GINS1: variants seen among roughly 807,000 people sequenced by gnomAD.
GINS1 encodes GINS complex subunit 1.
A neutral mutation model predicts 34.9 loss-of-function variants in GINS1; 26 were observed. That is an observed-to-expected ratio of 0.74 (90% CI 0.55 to 1.03). The LOEUF (loss-of-function observed/expected upper bound fraction) is 1.03. GINS1 is among the 50% of genes least tolerant of loss of function. The pLI, the probability that GINS1 is intolerant of heterozygous loss-of-function variation, is 0.00. For missense variants in GINS1, 235 were observed against 237.9 expected (o/e 0.99, Z 0.08); for synonymous variants, 97 against 84.4 (o/e 1.15, Z -0.82).
At chr20:25,421,357 G>A (rs905400754) in intron 4 of GINS1, among the ~76,000 whole-genome samples, 2 of 152,068 alleles carry the variant, frequency 1.3e-5, no homozygotes, top group African/African-American at 4.8e-5. Context: ...GCTAAAATAA[G>A]GTTACTAACA....
intron 5 of GINS1, among the ~76,000 whole-genome samples, chr20:25,428,001 A>T (rs2090402076): frequency 6.6e-6 from 1 of 150,874 alleles, no homozygotes; most frequent in Non-Finnish European, 1.5e-5. Flanking sequence ...CCTCCTGAGT[A>T]GCTGGGATTA....
Position 25,435,906 on chromosome 20 carries a change from G to A in GINS1, c.448-5796G>A, listed in dbSNP as rs1174344752. Among the ~76,000 whole-genome samples the A allele has an allele frequency of 6.2e-5, 9 of 144,834 alleles. No individual in the cohort carries two copies. In the South Asian group the frequency reaches 6.7e-4, roughly 11 times the overall value. Reference sequence around the variant, plus strand: ...CAGCTCACTGCATCCTCCACCTCCCGGGTTCATGCCATTCTCCTGCCTCAG... The same window carrying A: ...CAGCTCACTGCATCCTCCACCTCCCAGGTTCATGCCATTCTCCTGCCTCAG... On this transcript the variant is annotated intron_variant, in intron 5 of 6. Coordinates refer to ENST00000262460, the MANE Select transcript of GINS1 (RefSeq NM_021067.5).
intron 5 of GINS1, among the ~76,000 whole-genome samples, chr20:25,437,346 ACT>A (rs953923147): frequency 3.3e-5 from 5 of 152,200 alleles, no homozygotes; most frequent in Admixed American, 2.6e-4. Flanking sequence ...CTTTTTGCAC[ACT>A]CTGCACCAGC....
intron 6 of GINS1, among the ~76,000 whole-genome samples, chr20:25,443,980 T>TTATCTATCTATCTATCTATC (rs35231046): frequency 0.023 from 3,309 of 142,866 alleles, 63 homozygotes; most frequent in East Asian, 0.054. Context: ...TAGGAAACAT[T>TTATCTATCTATCTATCTATC]TATCTATCTA....
In GINS1 at chr20:25,407,908, T is replaced by C. The variant is rs1280097149; in HGVS notation, c.75+13T>C. On this transcript the variant is annotated intron_variant, in intron 1 of 6. Coordinates refer to ENST00000262460, the MANE Select transcript of GINS1 (RefSeq NM_021067.5). The stretch of plus-strand genomic sequence containing the variant: ...GCCTGCCTTCAACGTGAGGGGCGGG[T>C]AGACTTGGACGGGGCATGCCGGCGT... 61 of 1,604,370 alleles carry C rather than the reference T, an allele frequency of 3.8e-5. No homozygotes were observed. The highest frequency in any genetic ancestry group is 5.1e-5 in the Non-Finnish European group (60 of 1,171,720).
chr20:25,435,276 TG>T (rs2090447980), intron 5 of GINS1, among the ~76,000 whole-genome samples: 4 of 152,314 alleles, frequency 2.6e-5, no homozygotes, highest in East Asian at 3.9e-4. Context: ...AGGTATGTGA[TG>T]ACTTACTTAT....
intron 2 of GINS1, among the ~76,000 whole-genome samples, chr20:25,415,313 A>G (rs556173556): frequency 2.0e-5 from 3 of 152,232 alleles, no homozygotes; most frequent in South Asian, 4.1e-4. Flanking sequence ...TAAGCCATTC[A>G]TTGATTTACT....
At chr20:25,422,975 C>T (rs902534034) in intron 4 of GINS1, among the ~76,000 whole-genome samples, 2 of 152,042 alleles carry the variant, frequency 1.3e-5, no homozygotes, top group Non-Finnish European at 2.9e-5. Flanking sequence ...ATGGGTTTCT[C>T]CATGTTGGTC....
intron 6 of GINS1, among the ~76,000 whole-genome samples, chr20:25,442,821 G>C (rs2090490134): frequency 6.6e-6 from 1 of 151,492 alleles, no homozygotes; most frequent in South Asian, 2.1e-4. Context: ...GGCCAGGCTG[G>C]TCTTGAACTC....
At position 25,407,800 on chromosome 20, in the gene GINS1, C is replaced by CTT. The variant is rs768149977; in HGVS notation, c.-21_-20insTT. On this transcript the variant is annotated 5_prime_UTR_variant, in exon 1 of 7. Coordinates refer to ENST00000262460, the MANE Select transcript of GINS1 (RefSeq NM_021067.5). Reference sequence around the variant, plus strand: ...TGAGAGCTGGTGGTTGGCAAGGCCGCGGGAGTGGGAAGCGTCCGCCATGTT... The same window carrying CTT: ...TGAGAGCTGGTGGTTGGCAAGGCCGCTTGGGAGTGGGAAGCGTCCGCCATGTT... 1.2e-3 allele frequency: 1,874 copies of CTT among 1,607,824 alleles called. 16 individuals are homozygous for CTT. In the African/African-American group the frequency reaches 0.022, roughly 19 times the overall value.
intron 3 of GINS1, 126 bp from the exon 4 acceptor site, chr20:25,417,979 C>G (rs1428562878): frequency 1.1e-5 from 8 of 707,230 alleles, no homozygotes; most frequent in African/African-American, 1.0e-4. Context: ...AGACTGTGTT[C>G]ATGTTCTTCT....
In GINS1 at chr20:25,407,865, C is replaced by T. The variant is rs747132449; in HGVS notation, c.45C>T (p.Arg15=). Reference sequence around the variant, plus strand: ...TGGAACTGATCCGCGAGCTGCATCGCGCGCCCGAAGGGCAACTGCCTGCCT... The same window carrying T: ...TGGAACTGATCCGCGAGCTGCATCGTGCGCCCGAAGGGCAACTGCCTGCCT... The part of the protein sequence containing the change: ...KAMELIRELH[R]APEGQLPAFN... The change falls in exon 1 of 7, where the codon CGC becomes CGT. Residue 15 remains arginine, a synonymous_variant. Coordinates refer to ENST00000262460, the MANE Select transcript of GINS1 (RefSeq NM_021067.5). 1 of 1,613,902 alleles carries T rather than the reference C, an allele frequency of 6.2e-7. No homozygotes were observed. Among genetic ancestry groups the T allele is most frequent in the Non-Finnish European group, 8.5e-7 (1 of 1,179,860 alleles).
chr20:25,432,036 C>A (rs145291891), intron 5 of GINS1, among the ~76,000 whole-genome samples: 2,436 of 151,760 alleles, frequency 0.016, 28 homozygotes, highest in Non-Finnish European at 0.027. Flanking sequence ...CCATGCCCAG[C>A]TAATTTTTGT....
chr20:25,440,609 G>A (rs1188666601), intron 5 of GINS1, among the ~76,000 whole-genome samples: 1 of 151,926 alleles, frequency 6.6e-6, no homozygotes, highest in African/African-American at 2.4e-5. Flanking sequence ...TCAGGAGTTC[G>A]AAACCAGCCT....
At position 25,448,099 on chromosome 20, in the gene GINS1, C is replaced by T. The variant is rs1473395573; in HGVS notation, c.*2108C>T. The T allele has an allele frequency of 6.6e-6, 1 of 152,188 alleles. No individual in the cohort carries two copies. Among genetic ancestry groups the T allele is most frequent in the Non-Finnish European group, 1.5e-5 (1 of 68,052 alleles). The allele number at this position is 152,188 out of a possible 1,614,324, so 9.4% of individuals were successfully genotyped here. A position where few individuals can be genotyped will look rare whatever the true frequency, so the allele number is the denominator to read the frequency against. The stretch of plus-strand genomic sequence containing the variant: ...TGAGCTGAGATCACACCACTGTACT[C>T]CAGCCTGGGTGACAAAGTGAGACTC... On this transcript the variant is annotated 3_prime_UTR_variant, in exon 7 of 7. Transcript: ENST00000262460.
intron 5 of GINS1, among the ~76,000 whole-genome samples, chr20:25,438,496 A>G (rs1490214967): frequency 2.7e-5 from 4 of 148,904 alleles, no homozygotes; most frequent in African/African-American, 9.9e-5. Flanking sequence ...ATGCATAATG[A>G]CACCAAAGAA....
intron 5 of GINS1, among the ~76,000 whole-genome samples, chr20:25,434,843 G>A (rs1262589696): frequency 1.3e-5 from 2 of 152,192 alleles, no homozygotes; most frequent in East Asian, 1.9e-4. Flanking sequence ...CCAATGTGGC[G>A]CCTTGAATGC....
At chr20:25,411,243 C>T (rs1212975058) in intron 1 of GINS1, 1 of 152,164 alleles carries the variant, frequency 6.6e-6, no homozygotes, top group Non-Finnish European at 1.5e-5. Flanking sequence ...CTATTACACT[C>T]CAGCCTGGGT....
chr20:25,428,246 AC>A (rs1166965690), intron 5 of GINS1, among the ~76,000 whole-genome samples: 3 of 151,526 alleles, frequency 2.0e-5, no homozygotes, highest in African/African-American at 7.3e-5. Flanking sequence ...ATGTCATAAA[AC>A]TTTTGACCTG....
Sources: allele counts gnomAD v4.1 joint callset (sites outside exome capture counted in the v4.1 genomes callset), GRCh38; gene constraint gnomAD v4.1.1; transcripts MANE v1.5; gene names NCBI Gene and HGNC (gene_info 2026-07-23, HGNC 2026-07-21).